The following SCFD2 variants were observed in gnomAD, a reference collection of about 807,000 sequenced individuals.
SCFD2 encodes sec1 family domain containing 2.
A neutral mutation model predicts 58.9 loss-of-function variants in SCFD2; 54 were observed. The ratio of observed to expected loss-of-function variants is 0.92; its 90% CI spans 0.74 to 1.15. SCFD2 has a LOEUF of 1.15. Among genes scored for constraint, SCFD2 ranks in the 50% most tolerant of loss-of-function variants. The probability of loss-of-function intolerance (pLI) is 0.00; values close to 1 mark genes in which losing one functional copy is unlikely to be tolerated. For synonymous variants in SCFD2, 321 were observed against 335.9 expected (o/e 0.96, Z 0.49); for missense variants, 805 against 836.6 (o/e 0.96, Z 0.47).
intron 5 of SCFD2, among the ~76,000 whole-genome samples, chr4:52,946,894 T>C (rs1229005990): frequency 2.0e-5 from 3 of 152,110 alleles, no homozygotes; most frequent in Non-Finnish European, 2.9e-5. Context: ...TGGAATGAAA[T>C]TGGTTGGGCA....
At chr4:53,138,543 T>C (rs1056727951) in intron 5 of SCFD2, among the ~76,000 whole-genome samples, 2 of 152,194 alleles carry the variant, frequency 1.3e-5, no homozygotes, top group Admixed American at 6.5e-5. Flanking sequence ...ATCAACATAC[T>C]TGGCTGTACC....
intron 4 of SCFD2, among the ~76,000 whole-genome samples, chr4:53,244,868 A>C (rs1730016664): frequency 6.6e-6 from 1 of 151,884 alleles, no homozygotes; most frequent in African/African-American, 2.4e-5. Flanking sequence ...AGCTAGACTA[A>C]TAAAGAAAAA....
intron 4 of SCFD2, among the ~76,000 whole-genome samples, chr4:53,206,269 C>T (rs567583376): frequency 1.3e-5 from 2 of 152,182 alleles, no homozygotes; most frequent in South Asian, 4.1e-4. Context: ...GTGCTGTTGC[C>T]TCCTTGTCTC....
intron 2 of SCFD2, among the ~76,000 whole-genome samples, chr4:53,342,549 C>A (rs1206170029): frequency 6.6e-6 from 1 of 152,212 alleles, no homozygotes; most frequent in African/African-American, 2.4e-5. Flanking sequence ...GACAGATCAA[C>A]GAGACAGAAA....
At chr4:53,164,414 G>A (rs934068650) in intron 4 of SCFD2, among the ~76,000 whole-genome samples, 17 of 152,070 alleles carry the variant, frequency 1.1e-4, no homozygotes, top group Admixed American at 4.6e-4. Flanking sequence ...GTAGCTCTAC[G>A]TGCCTAGGTC....
At chr4:53,040,959 C>T (rs903758550) in intron 5 of SCFD2, among the ~76,000 whole-genome samples, 4 of 152,118 alleles carry the variant, frequency 2.6e-5, no homozygotes, top group African/African-American at 7.2e-5. Context: ...GAAGTTTATT[C>T]ATTTCCCTTA....
intron 5 of SCFD2, among the ~76,000 whole-genome samples, chr4:53,062,930 A>C: frequency 6.6e-6 from 1 of 152,168 alleles, no homozygotes. Context: ...ATATAATTTA[A>C]TAGGTGCACA....
chr4:53,243,995 T>C (rs1197866511), intron 4 of SCFD2, among the ~76,000 whole-genome samples: 2 of 151,948 alleles, frequency 1.3e-5, no homozygotes, highest in Non-Finnish European at 2.9e-5. Flanking sequence ...AAGGACATAA[T>C]AGAAAATACA....
At chr4:53,237,446 T>TG (rs1231851644) in intron 4 of SCFD2, among the ~76,000 whole-genome samples, 6 of 134,668 alleles carry the variant, frequency 4.5e-5, no homozygotes, top group Non-Finnish European at 9.5e-5. Flanking sequence ...ACTTCCCGGA[T>TG]GGGGGGTCTG....
chr4:52,944,909 G>A (rs544272994), intron 5 of SCFD2, among the ~76,000 whole-genome samples: 1 of 152,136 alleles, frequency 6.6e-6, no homozygotes, highest in Non-Finnish European at 1.5e-5. Context: ...TGTCCACCTA[G>A]CTGCAGATAT....
chr4:53,329,783 G>A (rs1404025431), intron 2 of SCFD2, among the ~76,000 whole-genome samples: 3 of 151,498 alleles, frequency 2.0e-5, no homozygotes, highest in Admixed American at 2.0e-4. Flanking sequence ...GGCTTCAGAC[G>A]ATCAAATTAC....
chr4:53,247,054 A>G (rs1318895354), intron 4 of SCFD2, among the ~76,000 whole-genome samples: 2 of 151,990 alleles, frequency 1.3e-5, no homozygotes, highest in Non-Finnish European at 2.9e-5. Context: ...CAAAGGTTGA[A>G]TACTAAGAAT....
Position 53,044,907 on chromosome 4 carries a change from C to CA in SCFD2, c.1561+100425_1561+100426insT, listed in dbSNP as rs1242033003. The stretch of plus-strand genomic sequence containing the variant: ...CCCCAATTCCCACCTCCACCCCCAA[C>CA]CCCCCCCCCCCGCCCACAAAAAACT... On this transcript the variant is annotated intron_variant, in intron 5 of 8. Coordinates refer to ENST00000401642, the MANE Select transcript of SCFD2 (RefSeq NM_152540.4). 3.5e-3 allele frequency among the ~76,000 whole-genome samples: 15 copies of CA among 4,234 alleles called. 1 individual carries two copies. Among genetic ancestry groups the CA allele is most frequent in the Admixed American group, 7.0e-3 (2 of 286 alleles). 2.8% of individuals were successfully genotyped at this position (4,234 alleles called of 152,430 possible). A position where few individuals can be genotyped will look rare whatever the true frequency, so the allele number is the denominator to read the frequency against.
intron 4 of SCFD2, among the ~76,000 whole-genome samples, chr4:53,147,435 C>T (rs1228878751): frequency 6.6e-6 from 1 of 152,122 alleles, no homozygotes; most frequent in Non-Finnish European, 1.5e-5. Context: ...ACACAAAAAA[C>T]AGCTGTTACC....
At chr4:53,292,720 T>C (rs554790572) in intron 3 of SCFD2, among the ~76,000 whole-genome samples, 65 of 152,326 alleles carry the variant, frequency 4.3e-4, no homozygotes, top group African/African-American at 1.6e-3. Flanking sequence ...CAAAGGAATA[T>C]AAATCATTCT....
intron 5 of SCFD2, among the ~76,000 whole-genome samples, chr4:53,029,226 T>C (rs1301585564): frequency 6.7e-6 from 1 of 149,196 alleles, no homozygotes; most frequent in Non-Finnish European, 1.5e-5. Context: ...TCTTCATCTT[T>C]GGAAAAATCT....
At chr4:53,111,472 C>T (rs1271768010) in intron 5 of SCFD2, among the ~76,000 whole-genome samples, 4 of 152,086 alleles carry the variant, frequency 2.6e-5, no homozygotes, top group Admixed American at 6.6e-5. Flanking sequence ...ATCTTCAAGT[C>T]GGTCATCTTT....
intron 3 of SCFD2, among the ~76,000 whole-genome samples, chr4:53,309,909 G>T (rs905384546): frequency 6.6e-6 from 1 of 152,074 alleles, no homozygotes; most frequent in Non-Finnish European, 1.5e-5. Context: ...TCCTTCAAAA[G>T]TCCAGAAAAT....
intron 5 of SCFD2, among the ~76,000 whole-genome samples, chr4:53,063,409 T>A (rs1351649694): frequency 6.6e-6 from 1 of 152,092 alleles, no homozygotes; most frequent in Non-Finnish European, 1.5e-5. Flanking sequence ...AGGAAAGATA[T>A]CATAAATACA....
Sources: gnomAD v4.1 joint callset for allele counts (sites outside exome capture counted in the v4.1 genomes callset) on GRCh38, gnomAD v4.1.1 for gene constraint, MANE v1.5 for transcripts, NCBI Gene and HGNC (gene_info 2026-07-23, HGNC 2026-07-21) for gene names.